SYNE1: variants seen among roughly 807,000 people sequenced by gnomAD.
SYNE1 encodes nesprin-1.
SYNE1 carries 616 observed loss-of-function variants against 1,111.0 expected under a neutral mutation model. The observed-to-expected ratio is 0.55, with a 90% confidence interval of 0.52 to 0.59. The LOEUF is 0.59. Ranked by LOEUF, SYNE1 falls within the 20% of genes least tolerant of loss-of-function variation. The pLI is 0.00. For missense variants in SYNE1, 10,006 were observed against 10,417.0 expected, an observed-to-expected ratio of 0.96 and a Z score of 1.72; for synonymous variants, 3,855 against 3,825.8, an observed-to-expected ratio of 1.01 and a Z score of -0.28.
intron 129 of SYNE1, 116 bp from the exon 130 acceptor site, chr6:152,176,676 T>C (rs997888730): frequency 7.7e-6 from 8 of 1,041,476 alleles, no homozygotes; most frequent in Non-Finnish European, 7.4e-6. Context: ...AGTTTGAGCA[T>C]AGGAATACCA....
At chr6:152,426,677 C>A (rs1368440848) in intron 38 of SYNE1, among the ~76,000 whole-genome samples, 1 of 152,238 alleles carries the variant, frequency 6.6e-6, no homozygotes, top group East Asian at 1.9e-4. Context: ...AAGACAGGAA[C>A]CAGATTGTAG....
At chr6:152,195,412 C>A (rs997314150) in intron 127 of SYNE1, among the ~76,000 whole-genome samples, 7 of 152,140 alleles carry the variant, frequency 4.6e-5, no homozygotes, top group African/African-American at 1.7e-4. Context: ...GTAGTCGGGA[C>A]TTGTTTGTAT....
Position 152,433,873 on chromosome 6 carries a change from C to T in SYNE1, c.4383G>A (p.Trp1461Ter). The T allele has an allele frequency of 6.2e-7, 1 of 1,613,792 alleles. No individual in the cohort carries two copies. The highest frequency in any genetic ancestry group is 8.5e-7 in the Non-Finnish European group (1 of 1,179,818). Residue 1461 changes from tryptophan to a stop codon, truncating the protein, a stop_gained, in exon 34 of 146, where the codon TGG becomes TGA. Coordinates refer to ENST00000367255, the MANE Select transcript of SYNE1 (RefSeq NM_182961.4). LOFTEE classifies it high-confidence loss of function. ...FGSNFETLSV[W>*]ITEKEKELNA... ...TGAGTTCTTTTTCTTTCTCAGTTAT[C>T]CAGACGGACAGAGTCTCAAAATTAC...
Position 152,334,101 on chromosome 6 carries a change from T to C in SYNE1, c.12701A>G (p.Glu4234Gly). The C allele has an allele frequency of 6.2e-7, 1 of 1,614,206 alleles. No individual in the cohort carries two copies. Among genetic ancestry groups the C allele is most frequent in the Non-Finnish European group, 8.5e-7 (1 of 1,180,038 alleles). The part of the protein sequence containing the change: ...QSNNLCLQRE[E>G]DLQRTRDYHD... ...GTAATCTCTTGTTCTCTGAAGATCC[T>C]CTTCCCTTTGCAAGCACAGGTTGTT... is the stretch of plus-strand genomic sequence containing the variant. Residue 4234 changes from glutamate (E) to glycine (G), a missense_variant, in exon 77 of 146, where the codon GAG (glutamate) becomes GGG (glycine). This residue lies in a region of SYNE1 where 4,955 missense variants were observed against 5,017.2 expected (regional missense o/e 0.99). Transcript: ENST00000367255.
At chr6:152,430,055 TG>T in intron 36 of SYNE1, 56 bp downstream of exon 36, 1 of 1,215,516 alleles carries the variant, frequency 8.2e-7, no homozygotes, top group South Asian at 1.3e-5. Flanking sequence ...TCTTTTCAAG[TG>T]GGAATTATCA....
At chr6:152,581,682 C>A (rs894794919) in intron 3 of SYNE1, among the ~76,000 whole-genome samples, 1 of 152,118 alleles carries the variant, frequency 6.6e-6, no homozygotes, top group Non-Finnish European at 1.5e-5. Context: ...CTTGATGTTT[C>A]TTAAAGGGAA....
intron 4 of SYNE1, among the ~76,000 whole-genome samples, chr6:152,528,478 A>C (rs1302346980): frequency 2.6e-5 from 4 of 152,200 alleles, no homozygotes; most frequent in Admixed American, 1.3e-4. Flanking sequence ...TATGATGACT[A>C]CCTCACATTT....
chr6:152,557,198 G>T (rs1239401251), intron 3 of SYNE1, among the ~76,000 whole-genome samples: 2 of 152,010 alleles, frequency 1.3e-5, no homozygotes, highest in African/African-American at 4.8e-5. Flanking sequence ...TCGACAGTAG[G>T]TTCAATCAAA....
chr6:152,536,015 G>A (rs1163691096), intron 4 of SYNE1, among the ~76,000 whole-genome samples: 1 of 151,968 alleles, frequency 6.6e-6, no homozygotes, highest in Non-Finnish European at 1.5e-5. Context: ...TGCCACCTCT[G>A]TCTTCATCTC....
intron 60 of SYNE1, 132 bp downstream of exon 60, chr6:152,369,339 A>T: frequency 6.9e-7 from 1 of 1,456,232 alleles, no homozygotes; most frequent in Non-Finnish European, 9.4e-7. Context: ...AATCCACCAG[A>T]AATGGGGAAA....
At chr6:152,276,612 G>T (rs1404010684) in intron 98 of SYNE1, among the ~76,000 whole-genome samples, 2 of 151,968 alleles carry the variant, frequency 1.3e-5, no homozygotes, top group Non-Finnish European at 2.9e-5. Flanking sequence ...CAATATTTAT[G>T]TCCTACTTCC....
chr6:152,184,748 G>A (rs2069299496), intron 128 of SYNE1, among the ~76,000 whole-genome samples: 1 of 151,958 alleles, frequency 6.6e-6, no homozygotes, highest in East Asian at 1.9e-4. Context: ...TTACCACGGA[G>A]CTACACCTTA....
intron 3 of SYNE1, among the ~76,000 whole-genome samples, chr6:152,594,273 TG>T: frequency 6.6e-6 from 1 of 152,260 alleles, no homozygotes; most frequent in East Asian, 1.9e-4. Flanking sequence ...AGTGTTGACC[TG>T]TAAGAGAGGA....
rs2097036784 is a variant in SYNE1, at chr6:152,364,842, C to T, written c.10145+5G>A. The T allele has an allele frequency of 1.9e-6, 3 of 1,614,016 alleles. No homozygotes were observed. Among genetic ancestry groups the T allele is most frequent in the African/African-American group, 1.3e-5 (1 of 74,900 alleles). ...TCCCCAGTGCTTGGCTGTAGTTTCC[C>T]TCACCTTTTACAACGAATCCCTGCA... On this transcript the variant is annotated splice_donor_5th_base_variant and intron_variant, in intron 63 of 145. Coordinates refer to ENST00000367255, the MANE Select transcript of SYNE1 (RefSeq NM_182961.4).
chr6:152,238,394 G>A (rs1051779171), intron 108 of SYNE1, among the ~76,000 whole-genome samples: 4 of 152,152 alleles, frequency 2.6e-5, no homozygotes, highest in African/African-American at 9.7e-5. Flanking sequence ...AAGATGAGAT[G>A]GATTCATGTA....
intron 16 of SYNE1, 28 bp from the exon 17 acceptor site, chr6:152,466,106 A>T (rs751406083): frequency 1.9e-5 from 27 of 1,405,136 alleles, no homozygotes; most frequent in Non-Finnish European, 2.7e-5. Context: ...GTTAGAAGAT[A>T]GCAAACATTA....
chr6:152,163,578 G>A (rs1456432073), intron 131 of SYNE1, among the ~76,000 whole-genome samples: 1 of 151,908 alleles, frequency 6.6e-6, no homozygotes, highest in Non-Finnish European at 1.5e-5. Flanking sequence ...CATTTTCCAG[G>A]ATCATCCCTT....
At chr6:152,433,678 A>C in intron 34 of SYNE1, 117 bp downstream of exon 34, 1 of 1,208,662 alleles carries the variant, frequency 8.3e-7, no homozygotes, top group Non-Finnish European at 1.2e-6. Flanking sequence ...ATTTAATTTT[A>C]ATAGTCACAT....
chr6:152,404,149 A>T, intron 46 of SYNE1, 64 bp downstream of exon 46: 1 of 1,055,670 alleles, frequency 9.5e-7, no homozygotes, highest in Non-Finnish European at 1.5e-6. Flanking sequence ...AGACAGAGAA[A>T]GTCTAGTATA....
Sources: allele counts gnomAD v4.1 joint callset (sites outside exome capture counted in the v4.1 genomes callset), GRCh38; gene constraint gnomAD v4.1.1; regional missense constraint gnomAD v4.1.1; transcripts MANE v1.5; gene names NCBI Gene and HGNC (gene_info 2026-07-23, HGNC 2026-07-21).